Variants in CNTN4 observed in about 807,000 individuals in gnomAD.
CNTN4 encodes the protein contactin-4.
In CNTN4, 77 loss-of-function variants were observed where a neutral mutation model predicts 122.5. That is an observed-to-expected ratio of 0.63 (90% CI 0.52 to 0.76). The LOEUF (loss-of-function observed/expected upper bound fraction) is 0.76, where lower values mean the gene tolerates loss of function less well. Ranked by LOEUF, CNTN4 falls within the 30% of genes least tolerant of loss-of-function variation. CNTN4 has a pLI of 0.00. For synonymous variants in CNTN4, 512 were observed against 447.0 expected, an observed-to-expected ratio of 1.15 and a Z score of -1.83; for missense variants, 1,256 against 1,259.1, an observed-to-expected ratio of 1.00 and a Z score of 0.04.
chr3:2,836,636 A>G (rs1000892579), intron 7 of CNTN4, among the ~76,000 whole-genome samples: 1 of 152,172 alleles, frequency 6.6e-6, no homozygotes, highest in African/African-American at 2.4e-5. Context: ...ATGAGATAGA[A>G]GTTTTAAAAG....
chr3:2,926,226 C>T (rs1447797095), intron 13 of CNTN4, among the ~76,000 whole-genome samples: 1 of 152,142 alleles, frequency 6.6e-6, no homozygotes. Flanking sequence ...TGTCTCAAAA[C>T]TCATTCAAAA....
intron 4 of CNTN4, among the ~76,000 whole-genome samples, chr3:2,632,106 A>G (rs755420278): frequency 2.0e-5 from 3 of 151,204 alleles, no homozygotes; most frequent in Non-Finnish European, 4.4e-5. Flanking sequence ...GTATGTATGT[A>G]TATATATATA....
chr3:2,479,453 G>A (rs2075923820), intron 3 of CNTN4, among the ~76,000 whole-genome samples: 2 of 152,210 alleles, frequency 1.3e-5, no homozygotes, highest in Non-Finnish European at 2.9e-5. Context: ...TGAACAGAAT[G>A]TAGAGGAAGG....
chr3:2,135,846 G>T (rs546408863), intron 2 of CNTN4, among the ~76,000 whole-genome samples: 19 of 152,320 alleles, frequency 1.2e-4, no homozygotes, highest in South Asian at 2.1e-4. Flanking sequence ...GACTAGAGAG[G>T]CAAGCCAGTG....
chr3:2,448,657 T>G (rs1022866074), intron 3 of CNTN4, among the ~76,000 whole-genome samples: 1 of 152,228 alleles, frequency 6.6e-6, no homozygotes, highest in Non-Finnish European at 1.5e-5. Flanking sequence ...AATGGATATA[T>G]TCTGCTAGTA....
chr3:3,054,140 A>G (rs962526603), intron 24 of CNTN4, among the ~76,000 whole-genome samples, 165 bp downstream of exon 24: 2 of 152,220 alleles, frequency 1.3e-5, no homozygotes, highest in Non-Finnish European at 2.9e-5. Context: ...AGGCAGTTTC[A>G]TGCAAAAATC....
chr3:2,889,298 A>G (rs1365256358), intron 10 of CNTN4, among the ~76,000 whole-genome samples: 1 of 152,212 alleles, frequency 6.6e-6, no homozygotes, highest in African/African-American at 2.4e-5. Flanking sequence ...GCTGGGCAGT[A>G]GCTGTTTGAA....
intron 3 of CNTN4, among the ~76,000 whole-genome samples, chr3:2,484,983 T>A (rs920043246): frequency 3.3e-5 from 5 of 152,170 alleles, no homozygotes; most frequent in African/African-American, 1.2e-4. Flanking sequence ...GGCCGTGGGC[T>A]CGGCGGCCCG....
intron 21 of CNTN4, chr3:3,042,728 A>G: frequency 5.1e-6 from 3 of 590,188 alleles, no homozygotes; most frequent in Admixed American, 6.0e-5. Context: ...AAACATGGGA[A>G]AAAAGAAAAT....
chr3:2,136,044 A>G (rs2034676258), intron 2 of CNTN4, among the ~76,000 whole-genome samples: 1 of 152,152 alleles, frequency 6.6e-6, no homozygotes, highest in Non-Finnish European at 1.5e-5. Flanking sequence ...ATTTGGCCAT[A>G]AGTCTTATCT....
chr3:2,824,191 A>T (rs1324127738), intron 7 of CNTN4, among the ~76,000 whole-genome samples: 3 of 150,260 alleles, frequency 2.0e-5, no homozygotes, highest in Non-Finnish European at 4.4e-5. Context: ...AGGCGCGGTG[A>T]CTCACACCTG....
At chr3:2,997,936 G>C (rs769183968) in intron 14 of CNTN4, among the ~76,000 whole-genome samples, 6 of 152,292 alleles carry the variant, frequency 3.9e-5, no homozygotes, top group Admixed American at 6.5e-5. Flanking sequence ...CATACCAACT[G>C]TCATCTTATT....
chr3:2,358,437 A>G lies in CNTN4; in HGVS notation c.-89+19204A>G, dbSNP rs575442651. Among the ~76,000 whole-genome samples the G allele has an allele frequency of 2.6e-5, 4 of 152,094 alleles. No individual in the cohort carries two copies. In the South Asian group the frequency reaches 8.3e-4, roughly 32 times the overall value. On this transcript the variant is annotated intron_variant, in intron 3 of 24. Coordinates refer to ENST00000418658, the MANE Select transcript of CNTN4 (RefSeq NM_175607.3). ...CATTTAATATATTTAGGATTAAGCGATAGCAAAATGATAATTCTCTTTACT... is the reference window on the plus strand; with the variant it reads ...CATTTAATATATTTAGGATTAAGCGGTAGCAAAATGATAATTCTCTTTACT...
At chr3:2,473,262 G>T (rs925508022) in intron 3 of CNTN4, among the ~76,000 whole-genome samples, 1 of 147,778 alleles carries the variant, frequency 6.8e-6, no homozygotes, top group Non-Finnish European at 1.5e-5. Context: ...ACACCTGCCA[G>T]CATTACTCTC....
chr3:2,965,865 G>C (rs1051118962), intron 13 of CNTN4, among the ~76,000 whole-genome samples: 4 of 152,104 alleles, frequency 2.6e-5, no homozygotes, highest in Non-Finnish European at 4.4e-5. Flanking sequence ...TATCCCTTAA[G>C]AATCAGTTCA....
rs185418407 is a variant in CNTN4 at position 2,300,350 on chromosome 3, A to G, written c.-144-38828A>G. The stretch of plus-strand genomic sequence containing the variant: ...AGTTCAGGGTAGATTTGTATGTGTA[A>G]CGTTCTCAAAATAGAGGGGAGAATT... On this transcript the variant is annotated intron_variant, in intron 2 of 24. Transcript: ENST00000418658. Among the ~76,000 whole-genome samples the G allele has an allele frequency of 2.6e-3, 401 of 152,252 alleles. 1 individual carries two copies. Among genetic ancestry groups the G allele is most frequent in the African/African-American group, 5.6e-3 (233 of 41,568 alleles).
In CNTN4 at chr3:3,035,223, G is replaced by T. The variant is rs57507427; in HGVS notation, c.1942+433G>T. Among the ~76,000 whole-genome samples, 477 of 150,450 alleles carry T rather than the reference G, an allele frequency of 3.2e-3. 2 individuals are homozygous for T. The highest frequency in any genetic ancestry group is 0.011 in the African/African-American group (460 of 40,980). Reference sequence around the variant, plus strand: ...CTCAGGAGGCTGAGGTGGGAGGATTGCTTGAGCCCAGGAGGTAGAGGTTGC... The same window carrying T: ...CTCAGGAGGCTGAGGTGGGAGGATTTCTTGAGCCCAGGAGGTAGAGGTTGC... On this transcript the variant is annotated intron_variant, in intron 17 of 24. Coordinates refer to ENST00000418658, the MANE Select transcript of CNTN4 (RefSeq NM_175607.3).
intron 3 of CNTN4, among the ~76,000 whole-genome samples, chr3:2,428,102 G>T (rs1375609234): frequency 6.6e-6 from 1 of 152,182 alleles, no homozygotes; most frequent in African/African-American, 2.4e-5. Context: ...GTGTGAATTT[G>T]ATCCTGTCAT....
At chr3:3,052,666 C>A (rs1701380133) in intron 23 of CNTN4, among the ~76,000 whole-genome samples, 5 of 152,162 alleles carry the variant, frequency 3.3e-5, no homozygotes, top group Admixed American at 3.3e-4. Flanking sequence ...TTTTAGGAGG[C>A]TAGTTGGCCA....
Sources: allele counts gnomAD v4.1 joint callset (sites outside exome capture counted in the v4.1 genomes callset), GRCh38; gene constraint gnomAD v4.1.1; transcripts MANE v1.5; gene names NCBI Gene and HGNC (gene_info 2026-07-23, HGNC 2026-07-21).